ADAMTSL1: variants seen among roughly 807,000 people sequenced by gnomAD.
ADAMTSL1 encodes ADAMTS-like protein 1.
A neutral mutation model predicts 201.8 loss-of-function variants in ADAMTSL1; 126 were observed. The observed-to-expected ratio is 0.62, with a 90% CI of 0.54 to 0.72. The LOEUF is 0.72. Ranked by LOEUF, ADAMTSL1 falls within the 30% of genes least tolerant of loss-of-function variation. ADAMTSL1 has a pLI of 0.00. For missense variants in ADAMTSL1, 2,679 were observed against 2,277.8 expected, an observed-to-expected ratio of 1.18 and a Z score of -3.59; for synonymous variants, 1,121 against 903.4, an observed-to-expected ratio of 1.24 and a Z score of -4.32.
chr9:18,604,991 G>T (rs567685496), intron 4 of ADAMTSL1, among the ~76,000 whole-genome samples: 2 of 152,146 alleles, frequency 1.3e-5, no homozygotes, highest in Non-Finnish European at 2.9e-5. Context: ...CCCATAAAGA[G>T]TGTTGATTAA....
At chr9:17,908,154 C>T (rs1825796470) in intron 1 of ADAMTSL1, among the ~76,000 whole-genome samples, 1 of 152,166 alleles carries the variant, frequency 6.6e-6, no homozygotes, top group Non-Finnish European at 1.5e-5. Flanking sequence ...TAGAAATTTT[C>T]AGCAGGGAAC....
intron 2 of ADAMTSL1, among the ~76,000 whole-genome samples, chr9:18,394,103 G>A (rs1011562102): frequency 6.6e-6 from 1 of 152,118 alleles, no homozygotes; most frequent in Non-Finnish European, 1.5e-5. Flanking sequence ...TGATGGTTAC[G>A]CAGCGAAAGC....
intron 1 of ADAMTSL1, among the ~76,000 whole-genome samples, chr9:18,491,258 C>T (rs755173036): frequency 7.9e-5 from 12 of 152,204 alleles, no homozygotes; most frequent in South Asian, 4.1e-4. Context: ...TTGATATTTT[C>T]TGTGGCCAAG....
At chr9:17,973,420 G>T (rs1268042764) in intron 1 of ADAMTSL1, among the ~76,000 whole-genome samples, 3 of 126,560 alleles carry the variant, frequency 2.4e-5, no homozygotes, top group Non-Finnish European at 5.5e-5. Context: ...ATTAAATAGG[G>T]AATCCTTTCC....
chr9:18,542,181 A>G lies in ADAMTSL1; in HGVS notation c.237+8889A>G, dbSNP rs117598832. On this transcript the variant is annotated intron_variant, in intron 3 of 28. Transcript: ENST00000380548. ...ATTCCTGTATTTGTAGTATAATTTT[A>G]AAGAAAATACAAAACAAAAGAAGAT... Among the ~76,000 whole-genome samples the G allele has an allele frequency of 2.5e-4, 38 of 152,348 alleles. 1 individual carries two copies. In the East Asian group the frequency reaches 7.1e-3, roughly 29 times the overall value.
chr9:18,153,434 A>AC (rs1165631397), intron 1 of ADAMTSL1, among the ~76,000 whole-genome samples: 1 of 152,104 alleles, frequency 6.6e-6, no homozygotes, highest in African/African-American at 2.4e-5. Context: ...TCATTAATTT[A>AC]CCACTCATAT....
intron 2 of ADAMTSL1, among the ~76,000 whole-genome samples, chr9:18,463,387 A>T (rs771728551): frequency 1.3e-5 from 2 of 152,118 alleles, no homozygotes; most frequent in Non-Finnish European, 1.5e-5. Context: ...TGGTAAATAT[A>T]TGTGATGTGA....
intron 2 of ADAMTSL1, among the ~76,000 whole-genome samples, chr9:18,527,719 T>G (rs1032990227): frequency 3.9e-5 from 6 of 152,140 alleles, no homozygotes; most frequent in African/African-American, 1.2e-4. Flanking sequence ...CTTAAGTGAA[T>G]TAAAGACTGA....
At chr9:18,580,510 T>C (rs1169865035) in intron 4 of ADAMTSL1, among the ~76,000 whole-genome samples, 1 of 152,172 alleles carries the variant, frequency 6.6e-6, no homozygotes, top group Non-Finnish European at 1.5e-5. Flanking sequence ...CTTAAAATAT[T>C]TAATGCATAG....
chr9:18,592,154 G>C (rs552521788), intron 4 of ADAMTSL1, among the ~76,000 whole-genome samples: 1 of 152,144 alleles, frequency 6.6e-6, no homozygotes, highest in Non-Finnish European at 1.5e-5. Flanking sequence ...CAGATTGGCA[G>C]CAAAACACCA....
chr9:18,363,618 G>T (rs1041084706), intron 2 of ADAMTSL1, among the ~76,000 whole-genome samples: 2 of 152,114 alleles, frequency 1.3e-5, no homozygotes, highest in African/African-American at 4.8e-5. Context: ...ACAATTGTAG[G>T]TATTACAGAT....
Position 18,777,582 on chromosome 9 carries a change from C to T in ADAMTSL1, c.3353C>T (p.Thr1118Met), listed in dbSNP as rs201484419. The change falls in exon 19 of 29, where the codon ACG (threonine) becomes ATG (methionine). Residue 1118 changes from threonine to methionine, a missense_variant. Thr to Met is a moderately conservative substitution (Grantham distance 81, BLOSUM62 -1). Coordinates refer to ENST00000380548, the MANE Select transcript of ADAMTSL1 (RefSeq NM_001040272.6). ...CGCAGCCACCTGGAGCACCAGGACACGCTCCTGAAGCCCTCGGAGCGCAGG... is the reference window on the plus strand; with the variant it reads ...CGCAGCCACCTGGAGCACCAGGACATGCTCCTGAAGCCCTCGGAGCGCAGG... ...IFRSHLEHQD[T>M]LLKPSERRTS... 1.9e-6 allele frequency: 3 copies of T among 1,611,214 alleles called. No individual in the cohort carries two copies. The highest frequency in any genetic ancestry group is 1.6e-4 in the Middle Eastern group (1 of 6,062).
intron 1 of ADAMTSL1, among the ~76,000 whole-genome samples, chr9:18,057,056 C>G (rs904611938): frequency 3.3e-5 from 5 of 152,206 alleles, no homozygotes; most frequent in African/African-American, 1.2e-4. Context: ...TGGAAACATC[C>G]AGCTAGGCTT....
chr9:17,938,111 T>G (rs1314151064), intron 1 of ADAMTSL1, among the ~76,000 whole-genome samples: 1 of 152,094 alleles, frequency 6.6e-6, no homozygotes, highest in African/African-American at 2.4e-5. Flanking sequence ...AAAGTCCAAA[T>G]GTTTGAATTA....
intron 2 of ADAMTSL1, among the ~76,000 whole-genome samples, chr9:18,349,155 T>G (rs553650192): frequency 1.3e-5 from 2 of 152,260 alleles, no homozygotes; most frequent in East Asian, 3.9e-4. Flanking sequence ...ATTTGAATAT[T>G]TGAAAATGGG....
intron 1 of ADAMTSL1, among the ~76,000 whole-genome samples, chr9:17,973,782 T>C (rs1818321478): frequency 6.8e-6 from 1 of 148,060 alleles, no homozygotes; most frequent in Non-Finnish European, 1.5e-5. Context: ...CATTGTTGAT[T>C]CTTCCTACCA....
intron 1 of ADAMTSL1, among the ~76,000 whole-genome samples, chr9:18,097,048 C>A (rs1824283176): frequency 6.6e-6 from 1 of 152,110 alleles, no homozygotes; most frequent in Non-Finnish European, 1.5e-5. Flanking sequence ...CATGGCGGTT[C>A]CATCATCAAA....
intron 2 of ADAMTSL1, among the ~76,000 whole-genome samples, chr9:18,520,117 A>G (rs1385457736): frequency 1.3e-5 from 2 of 152,208 alleles, no homozygotes; most frequent in Non-Finnish European, 2.9e-5. Context: ...TTAAAGGACA[A>G]ACTCCACAAT....
chr9:17,965,747 T>A (rs1817958030), intron 1 of ADAMTSL1, among the ~76,000 whole-genome samples: 1 of 152,148 alleles, frequency 6.6e-6, no homozygotes, highest in South Asian at 2.1e-4. Flanking sequence ...CCCAAGGGCA[T>A]GTAAGTACCC....
Sources: gnomAD v4.1 joint callset for allele counts (sites outside exome capture counted in the v4.1 genomes callset) on GRCh38, gnomAD v4.1.1 for gene constraint, MANE v1.5 for transcripts, NCBI Gene and HGNC (gene_info 2026-07-23, HGNC 2026-07-21) for gene names.